Variants in LTBP1 observed in about 807,000 individuals in gnomAD.
LTBP1 encodes the protein latent transforming growth factor beta binding protein 1.
Under a neutral mutation model 207.6 loss-of-function variants are expected in LTBP1, and 129 were observed. The ratio of observed to expected loss-of-function variants is 0.62; its 90% confidence interval spans 0.54 to 0.72. The LOEUF is 0.72. Among genes scored for constraint, LTBP1 ranks in the 30% least tolerant of loss-of-function variants. The pLI, the probability that LTBP1 is intolerant of heterozygous loss-of-function variation, is 0.00. For synonymous variants in LTBP1, 963 were observed against 833.7 expected (o/e 1.16, Z -2.67); for missense variants, 2,281 against 2,217.2 (o/e 1.03, Z -0.58).
intron 24 of LTBP1, among the ~76,000 whole-genome samples, chr2:33,341,355 C>T (rs1389521940): frequency 1.3e-5 from 2 of 151,834 alleles, no homozygotes; most frequent in African/African-American, 4.8e-5. Context: ...GGAGCCCCAC[C>T]CAGAAAGGAG....
intron 31 of LTBP1, among the ~76,000 whole-genome samples, chr2:33,381,867 C>T (rs1558330663): frequency 6.6e-6 from 1 of 152,010 alleles, no homozygotes; most frequent in Non-Finnish European, 1.5e-5. Context: ...TTGGGCAAGG[C>T]AAGTTATGCT....
chr2:33,380,714 T>G (rs543587536), intron 31 of LTBP1, among the ~76,000 whole-genome samples: 149 of 152,242 alleles, frequency 9.8e-4, no homozygotes, highest in Non-Finnish European at 1.8e-3. Context: ...TTTCCCCTCC[T>G]GTATTTTTTG....
At chr2:33,107,402 C>G (rs775177065) in intron 3 of LTBP1, among the ~76,000 whole-genome samples, 14 of 152,020 alleles carry the variant, frequency 9.2e-5, no homozygotes, top group South Asian at 2.1e-4. Flanking sequence ...TGAAATGTCT[C>G]TTGTGTGTTT....
At chr2:33,138,758 A>C (rs910618149) in intron 5 of LTBP1, among the ~76,000 whole-genome samples, 1 of 151,638 alleles carries the variant, frequency 6.6e-6, no homozygotes, top group Non-Finnish European at 1.5e-5. Context: ...AAAATAACAC[A>C]TTTGGTTTAT....
In LTBP1 at chr2:33,075,084, A is replaced by T. The variant is rs77656883; in HGVS notation, c.864-35498A>T. On this transcript the variant is annotated intron_variant, in intron 3 of 33. Transcript: ENST00000404816. Reference sequence around the variant, plus strand: ...AAACAAAACAAAACAAAAAATGGATAAAAAAAAAAGATGTTGTGGTGGTAA... The same window carrying T: ...AAACAAAACAAAACAAAAAATGGATTAAAAAAAAAGATGTTGTGGTGGTAA... Among the ~76,000 whole-genome samples, 590 of 149,368 alleles carry T rather than the reference A, an allele frequency of 3.9e-3. 2 individuals carry two copies. The highest frequency in any genetic ancestry group is 0.01 in the Middle Eastern group (3 of 290).
intron 3 of LTBP1, among the ~76,000 whole-genome samples, chr2:33,057,111 A>C (rs906458317): frequency 1.4e-5 from 2 of 145,336 alleles, no homozygotes; most frequent in Admixed American, 6.9e-5. Context: ...CAAACCTTGA[A>C]CTAGAGACAG....
chr2:33,290,417 C>A (rs2093751618), intron 19 of LTBP1, among the ~76,000 whole-genome samples: 1 of 152,152 alleles, frequency 6.6e-6, no homozygotes, highest in African/African-American at 2.4e-5. Flanking sequence ...CCCAGGGCCC[C>A]ACAAGTTTGT....
At chr2:33,056,396 C>T in intron 3 of LTBP1, 1 of 1,206,188 alleles carries the variant, frequency 8.3e-7, no homozygotes, top group Non-Finnish European at 1.1e-6. Flanking sequence ...GGATGTTAGG[C>T]AAAATGCCGC....
chr2:33,034,562 A>G (rs1242289496), intron 3 of LTBP1, among the ~76,000 whole-genome samples: 1 of 152,242 alleles, frequency 6.6e-6, no homozygotes, highest in African/African-American at 2.4e-5. Context: ...CTGGAAGCAT[A>G]GGACAGAGCT....
At chr2:33,280,208 A>T in intron 19 of LTBP1, 50 bp downstream of exon 19, 3 of 1,561,340 alleles carry the variant, frequency 1.9e-6, no homozygotes, top group Non-Finnish European at 2.6e-6. Context: ...TGCATGGCCC[A>T]TTTTCTGATA....
chr2:33,280,310 T>A, intron 19 of LTBP1, 152 bp downstream of exon 19: 1 of 737,430 alleles, frequency 1.4e-6, no homozygotes, highest in Non-Finnish European at 2.0e-6. Flanking sequence ...TTTTAACCAT[T>A]GAGAAAATAA....
chr2:33,167,619 G>A (rs2085045240), intron 5 of LTBP1, among the ~76,000 whole-genome samples: 1 of 152,230 alleles, frequency 6.6e-6, no homozygotes, highest in Non-Finnish European at 1.5e-5. Context: ...CTTCAAGAAT[G>A]GCCTTAGGAA....
intron 8 of LTBP1, among the ~76,000 whole-genome samples, 166 bp downstream of exon 8, chr2:33,217,820 A>C (rs2090827774): frequency 6.6e-6 from 1 of 152,192 alleles, no homozygotes. Flanking sequence ...AGTCTGAAAA[A>C]GTTTTCATGT....
At chr2:33,372,681 C>T (rs967207732) in intron 31 of LTBP1, among the ~76,000 whole-genome samples, 3 of 151,966 alleles carry the variant, frequency 2.0e-5, no homozygotes, top group Non-Finnish European at 2.9e-5. Flanking sequence ...TGAGACTGGC[C>T]TGGCCAACGT....
chr2:32,948,823 T>C, intron 1 of LTBP1, 52 bp from the exon 2 acceptor site: 1 of 1,534,624 alleles, frequency 6.5e-7, no homozygotes, highest in East Asian at 2.2e-5. Context: ...GCTTGGGTTC[T>C]TGGGAAGGGG....
intron 24 of LTBP1, among the ~76,000 whole-genome samples, chr2:33,315,664 G>T (rs1015447259): frequency 1.2e-4 from 19 of 152,170 alleles, no homozygotes; most frequent in Non-Finnish European, 2.1e-4. Flanking sequence ...ATGTCTTGCG[G>T]CTGGGTGCGG....
chr2:33,381,562 C>T (rs2095214920), intron 31 of LTBP1, among the ~76,000 whole-genome samples: 1 of 152,182 alleles, frequency 6.6e-6, no homozygotes, highest in Non-Finnish European at 1.5e-5. Context: ...TTTAATTGAA[C>T]ATTAAGCAAT....
intron 18 of LTBP1, 31 bp downstream of exon 18, chr2:33,275,954 G>T: frequency 6.5e-7 from 1 of 1,543,688 alleles, no homozygotes; most frequent in Non-Finnish European, 8.7e-7. Flanking sequence ...CAGCACACAT[G>T]ACGGTGATGT....
At position 33,273,765 on chromosome 2, in the gene LTBP1, A is replaced by G. The variant is rs1468951129; in HGVS notation, c.2727A>G (p.Gln909=). ...ICYEGYRFSE[Q]QRKCVDIDEC... ...ACGAGGGCTACAGGTTCAGTGAACA[A>G]CAGAGGAAATGTGTGGGTAAGAGAC... Residue 909 remains glutamine (Q), a synonymous_variant, in exon 16 of 34, where the codon CAA becomes CAG. Transcript: ENST00000404816. 1.2e-6 allele frequency: 2 copies of G among 1,606,710 alleles called. No homozygotes were observed. Among genetic ancestry groups the G allele is most frequent in the Non-Finnish European group, 1.7e-6 (2 of 1,177,424 alleles).
Sources: allele counts gnomAD v4.1 joint callset (sites outside exome capture counted in the v4.1 genomes callset), GRCh38; gene constraint gnomAD v4.1.1; transcripts MANE v1.5; gene names NCBI Gene and HGNC (gene_info 2026-07-23, HGNC 2026-07-21).